The following SORBS2 variants were observed in gnomAD, a reference collection of about 807,000 sequenced individuals.
The protein encoded by SORBS2 is sorbin and SH3 domain containing 2.
SORBS2 carries 46 observed loss-of-function variants against 97.7 expected under a neutral mutation model. That is an observed-to-expected ratio of 0.47 (90% CI 0.37 to 0.60). SORBS2 has a LOEUF of 0.60. Ranked by LOEUF, SORBS2 falls within the 20% of genes least tolerant of loss-of-function variation. SORBS2 has a pLI of 0.00. For synonymous variants in SORBS2, 476 were observed against 473.4 expected (o/e 1.01, Z -0.07); for missense variants, 1,316 against 1,282.3 (o/e 1.03, Z -0.40).
chr4:185,685,895 A>G (rs980204755), intron 2 of SORBS2, among the ~76,000 whole-genome samples: 1 of 152,226 alleles, frequency 6.6e-6, no homozygotes, highest in Non-Finnish European at 1.5e-5. Flanking sequence ...GTGAAATAAA[A>G]TCAGTGTAAG....
exon 1 of SORBS2, chr4:185,956,335 G>C (rs1022595353): frequency 1.3e-5 from 2 of 152,184 alleles, no homozygotes; most frequent in Non-Finnish European, 2.9e-5. Context: ...GAGCATTTAC[G>C]GCATGTACGT....
intron 1 of SORBS2, among the ~76,000 whole-genome samples, chr4:185,891,857 CAG>C (rs1386275146): frequency 6.6e-6 from 1 of 152,040 alleles, no homozygotes; most frequent in Admixed American, 6.6e-5. Context: ...TTTTTTGAGA[CAG>C]AGTCTTGCTC....
At chr4:185,715,065 T>A (rs1050885035) in intron 2 of SORBS2, among the ~76,000 whole-genome samples, 2 of 152,248 alleles carry the variant, frequency 1.3e-5, no homozygotes, top group South Asian at 2.1e-4. Flanking sequence ...ACAGATTTTT[T>A]AAAAATATCA....
At chr4:185,841,709 TA>T (rs549208624) in intron 1 of SORBS2, among the ~76,000 whole-genome samples, 107 of 152,348 alleles carry the variant, frequency 7.0e-4, no homozygotes, top group African/African-American at 2.5e-3. Flanking sequence ...AGACCTTTGG[TA>T]AAAGTCCCTC....
chr4:185,626,847 G>C (rs772158156), exon 6 of SORBS2: 3 of 1,614,046 alleles, frequency 1.9e-6, no homozygotes, highest in East Asian at 2.2e-5. Flanking sequence ...GCTCTTGATG[G>C]GGAAGAAGGA....
chr4:185,683,107 G>A (rs1341819790), intron 2 of SORBS2, among the ~76,000 whole-genome samples: 3 of 151,746 alleles, frequency 2.0e-5, no homozygotes, highest in African/African-American at 7.3e-5. Flanking sequence ...AAACAATTAT[G>A]TCCAAAATTC....
chr4:185,710,849 G>A (rs766423264), intron 2 of SORBS2, among the ~76,000 whole-genome samples: 14 of 152,212 alleles, frequency 9.2e-5, no homozygotes, highest in Non-Finnish European at 1.6e-4. Context: ...AGGGAAACCC[G>A]GTAAACACCG....
At chr4:185,823,076 G>C (rs1416017539) in intron 1 of SORBS2, among the ~76,000 whole-genome samples, 3 of 152,188 alleles carry the variant, frequency 2.0e-5, no homozygotes, top group South Asian at 2.1e-4. Flanking sequence ...CCGTTTTACG[G>C]AGTGTCAGAG....
At chr4:185,697,487 T>C (rs1183272730) in intron 2 of SORBS2, among the ~76,000 whole-genome samples, 1 of 152,136 alleles carries the variant, frequency 6.6e-6, no homozygotes, top group Non-Finnish European at 1.5e-5. Context: ...CACATTGCCA[T>C]GAACAAGAGA....
At chr4:185,924,395 G>C (rs1413077351) in intron 1 of SORBS2, among the ~76,000 whole-genome samples, 1 of 128,784 alleles carries the variant, frequency 7.8e-6, no homozygotes. Flanking sequence ...TACGAAAAAG[G>C]GTCCTTGCCA....
intron 2 of SORBS2, among the ~76,000 whole-genome samples, chr4:185,767,491 C>T (rs1210513984): frequency 9.7e-5 from 8 of 82,878 alleles, no homozygotes; most frequent in African/African-American, 3.5e-4. Context: ...CAGAGTGAGA[C>T]TCTGTCTCAA....
At chr4:185,768,165 C>T (rs1480581118) in intron 2 of SORBS2, among the ~76,000 whole-genome samples, 1 of 152,130 alleles carries the variant, frequency 6.6e-6, no homozygotes, top group Non-Finnish European at 1.5e-5. Flanking sequence ...GTGTATGTGC[C>T]CAGCTCTCCT....
At chr4:185,932,710 C>T (rs1398522534) in intron 1 of SORBS2, among the ~76,000 whole-genome samples, 2 of 148,304 alleles carry the variant, frequency 1.3e-5, no homozygotes, top group Non-Finnish European at 3.0e-5. Flanking sequence ...GTAGGCAGGG[C>T]CTGGCCTAAA....
intron 1 of SORBS2, among the ~76,000 whole-genome samples, chr4:185,864,961 C>T (rs1168348740): frequency 6.6e-6 from 1 of 151,216 alleles, no homozygotes; most frequent in Non-Finnish European, 1.5e-5. Flanking sequence ...GTTGTGTGTA[C>T]TGAGAATGGG....
chr4:185,629,185 G>A (rs2153430863), intron 5 of SORBS2, among the ~76,000 whole-genome samples: 1 of 152,294 alleles, frequency 6.6e-6, no homozygotes, highest in East Asian at 1.9e-4. Context: ...CTCAGAACTG[G>A]TTTGTCCTCT....
intron 2 of SORBS2, among the ~76,000 whole-genome samples, chr4:185,766,763 G>A (rs2098936295): frequency 6.6e-6 from 1 of 152,204 alleles, no homozygotes; most frequent in Non-Finnish European, 1.5e-5. Flanking sequence ...TCAAGATCTA[G>A]CATTAAACCA....
chr4:185,925,892 G>A (rs1188686954), intron 1 of SORBS2, among the ~76,000 whole-genome samples: 2 of 152,212 alleles, frequency 1.3e-5, no homozygotes, highest in Admixed American at 1.3e-4. Context: ...ATATCACAGA[G>A]CATAGAAGTC....
chr4:185,587,723 C>G (rs1437281995), intron 14 of SORBS2, 35 bp from the exon 27 acceptor site: 11 of 1,517,756 alleles, frequency 7.2e-6, no homozygotes, highest in Middle Eastern at 1.7e-4. Context: ...AGGGGGGTGA[C>G]AACGATATCA....
intron 1 of SORBS2, among the ~76,000 whole-genome samples, chr4:185,912,603 A>T (rs902964113): frequency 3.3e-5 from 5 of 151,390 alleles, no homozygotes; most frequent in African/African-American, 1.2e-4. Flanking sequence ...AAAAAAAAAA[A>T]AAAAAAAAGA....
Sources: gnomAD v4.1 joint callset for allele counts (sites outside exome capture counted in the v4.1 genomes callset) on GRCh38, gnomAD v4.1.1 for gene constraint, MANE v1.5 for transcripts, NCBI Gene and HGNC (gene_info 2026-07-23, HGNC 2026-07-21) for gene names.